The following RPN1 variants were observed in gnomAD, a reference collection of about 807,000 sequenced individuals.
RPN1 encodes dolichyl-diphosphooligosaccharide--protein glycosyltransferase subunit 1.
Under a neutral mutation model 55.5 loss-of-function variants are expected in RPN1, and 12 were observed. The ratio of observed to expected loss-of-function variants is 0.22; its 90% CI spans 0.14 to 0.35. RPN1 has a LOEUF of 0.35. Among genes scored for constraint, RPN1 ranks in the 10% least tolerant of loss-of-function variants. RPN1 has a pLI of 1.00. For missense variants in RPN1, 679 were observed against 761.3 expected, an observed-to-expected ratio of 0.89 and a Z score of 1.27; for synonymous variants, 317 against 305.9, an observed-to-expected ratio of 1.04 and a Z score of -0.38.
chr3:128,627,168 G>T (rs1468927438), intron 5 of RPN1: 2 of 307,342 alleles, frequency 6.5e-6, no homozygotes, highest in East Asian at 7.2e-5. Context: ...AGCACAGCAG[G>T]CCAGTGTGAG....
Position 128,638,042 on chromosome 3 carries a change from A to T in RPN1, c.390T>A (p.Ile130=). Residue 130 remains isoleucine, a synonymous_variant, in exon 3 of 10, where the codon ATT becomes ATA. Coordinates refer to ENST00000296255, the MANE Select transcript of RPN1 (RefSeq NM_002950.4). ...ALDPGAKISV[I]VETVYTHVLH... Reference sequence around the variant, plus strand: ...GCACATGGGTGTAGACTGTTTCCACAATGACTGAAATCTTGGCCCCAGGAT... The same window carrying T: ...GCACATGGGTGTAGACTGTTTCCACTATGACTGAAATCTTGGCCCCAGGAT... 6.2e-7 allele frequency: 1 copy of T among 1,614,084 alleles called. No homozygotes were observed. The highest frequency in any genetic ancestry group is 8.5e-7 in the Non-Finnish European group (1 of 1,179,962).
At position 128,625,658 on chromosome 3, in the gene RPN1, G is replaced by C; in HGVS notation, c.1276-5C>G. The C allele has an allele frequency of 2.5e-6, 4 of 1,613,976 alleles. No homozygotes were observed. The highest frequency in any genetic ancestry group is 1.1e-5 in the South Asian group (1 of 91,068). On this transcript the variant is annotated splice_region_variant and splice_polypyrimidine_tract_variant and intron_variant, in intron 7 of 9. Transcript: ENST00000296255. ...CTTGTTGAACGTGTAGTGGACCTGGGAGAAGCAAGAGGACAGGCTTCATCG... is the reference window on the plus strand; with the variant it reads ...CTTGTTGAACGTGTAGTGGACCTGGCAGAAGCAAGAGGACAGGCTTCATCG...
chr3:128,627,952 G>A (rs1477771535), intron 5 of RPN1, among the ~76,000 whole-genome samples: 1 of 152,268 alleles, frequency 6.6e-6, no homozygotes, highest in East Asian at 1.9e-4. Flanking sequence ...CAAGAACAAT[G>A]TAAACAATAA....
At chr3:128,625,460 G>A in intron 8 of RPN1, 74 bp downstream of exon 8, 1 of 1,609,180 alleles carries the variant, frequency 6.2e-7, no homozygotes, top group Non-Finnish European at 8.5e-7. Context: ...GGCTCACTGT[G>A]AGGATCAGTG....
At chr3:128,621,267 T>C (rs55987729) in intron 9 of RPN1, among the ~76,000 whole-genome samples, 52,587 of 151,980 alleles carry the variant, frequency 0.35, 9,289 homozygotes, top group Middle Eastern at 0.41. Flanking sequence ...ATTCCAGTAC[T>C]TTGGAGGCCA....
At chr3:128,628,434 C>A (rs80150381) in intron 5 of RPN1, among the ~76,000 whole-genome samples, 1 of 19,402 alleles carries the variant, frequency 5.2e-5, no homozygotes, top group East Asian at 1.2e-3. Context: ...AACATAAATG[C>A]AAAGAAAAGC....
intron 9 of RPN1, among the ~76,000 whole-genome samples, chr3:128,620,935 A>G (rs1021444797): frequency 6.6e-6 from 1 of 152,172 alleles, no homozygotes; most frequent in Non-Finnish European, 1.5e-5. Flanking sequence ...CTCTATGAAC[A>G]TCACTTCTCT....
At chr3:128,649,866 C>T (rs1187184327) in intron 1 of RPN1, among the ~76,000 whole-genome samples, 1 of 152,132 alleles carries the variant, frequency 6.6e-6, no homozygotes, top group Non-Finnish European at 1.5e-5. Context: ...TTAAAACTAA[C>T]TTTAAAAAGA....
chr3:128,637,692 C>T, intron 3 of RPN1, 107 bp downstream of exon 3: 1 of 1,140,618 alleles, frequency 8.8e-7, no homozygotes, highest in Non-Finnish European at 1.3e-6. Context: ...TTAGAAATGA[C>T]TGCAGATTTC....
intron 2 of RPN1, among the ~76,000 whole-genome samples, chr3:128,643,795 A>C (rs2069746656): frequency 6.7e-6 from 1 of 148,740 alleles, no homozygotes. Flanking sequence ...AACTCTCTCA[A>C]AAAAAAAAAA....
Position 128,620,539 on chromosome 3 carries a change from C to T in RPN1, c.1696G>A (p.Ala566Thr), listed in dbSNP as rs1437455213. The change falls in exon 10 of 10, where the codon GCG (alanine) becomes ACG (threonine). Residue 566 changes from alanine to threonine, a missense_variant. Ala to Thr is a moderately conservative substitution (Grantham distance 58). Coordinates refer to ENST00000296255, the MANE Select transcript of RPN1 (RefSeq NM_002950.4). ...GCCACCAGGCGCTCAGCCTCCACCG[C>T]CGACTTCAGCACCAGCTCCTTGACC... ...AQVKELVLKS[A>T]VEAERLVAGK... 4 of 1,614,188 alleles carry T rather than the reference C, an allele frequency of 2.5e-6. No individual in the cohort carries two copies. In the East Asian group the frequency reaches 8.9e-5, roughly 36 times the overall value.
At chr3:128,650,353 G>C (rs995104547) in intron 1 of RPN1, among the ~76,000 whole-genome samples, 187 bp downstream of exon 1, 5 of 152,150 alleles carry the variant, frequency 3.3e-5, no homozygotes, top group African/African-American at 1.2e-4. Context: ...CGGAGGCGCC[G>C]GGGCCCCTGG....
chr3:128,647,797 C>A (rs1401605793), intron 1 of RPN1, among the ~76,000 whole-genome samples: 1 of 151,718 alleles, frequency 6.6e-6, no homozygotes, highest in African/African-American at 2.4e-5. Flanking sequence ...AATATTGTTA[C>A]TTAATAAAAT....
At chr3:128,643,201 C>T (rs2069740687) in intron 2 of RPN1, among the ~76,000 whole-genome samples, 1 of 147,764 alleles carries the variant, frequency 6.8e-6, no homozygotes, top group Non-Finnish European at 1.5e-5. Context: ...GTAGCGGACG[C>T]CTATAATCCC....
chr3:128,631,409 C>T (rs4857860), intron 4 of RPN1, among the ~76,000 whole-genome samples: 48,847 of 149,634 alleles, frequency 0.33, 8,305 homozygotes, highest in Middle Eastern at 0.4. Context: ...ACCTGGGAGG[C>T]GGAGGTTGTG....
intron 8 of RPN1, among the ~76,000 whole-genome samples, chr3:128,624,182 T>C (rs952968845): frequency 6.6e-6 from 1 of 152,118 alleles, no homozygotes; most frequent in Non-Finnish European, 1.5e-5. Flanking sequence ...ATTTCCTATC[T>C]GCATTTGATT....
Position 128,622,296 on chromosome 3 carries a change from G to A in RPN1, c.1509C>T (p.Tyr503=). 1 of 1,614,232 alleles carries A rather than the reference G, an allele frequency of 6.2e-7. No homozygotes were observed. Among genetic ancestry groups the A allele is most frequent in the Non-Finnish European group, 8.5e-7 (1 of 1,180,046 alleles). Residue 503 remains tyrosine (Y), a synonymous_variant, in exon 9 of 10, where the codon TAC becomes TAT. Transcript: ENST00000296255. ...GGGTGGAGATGTCCCGGGATTGCTT[G>A]TACCTATTGACGGTCTCGTCAAAGT... The part of the protein sequence containing the change: ...YRHFDETVNR[Y]KQSRDISTLN...
In RPN1 at chr3:128,620,139, T is replaced by C; in HGVS notation, c.*272A>G. On this transcript the variant is annotated 3_prime_UTR_variant, in exon 10 of 10. Coordinates refer to ENST00000296255, the MANE Select transcript of RPN1 (RefSeq NM_002950.4). ...ACTTCAGAACAGAATACCAATCAAA[T>C]ATTGAAAATTCCTTTGTTCAAAACA... is the stretch of plus-strand genomic sequence containing the variant. The C allele has an allele frequency of 3.3e-6, 1 of 299,662 alleles. No homozygotes were observed. Among genetic ancestry groups the C allele is most frequent in the Non-Finnish European group, 6.1e-6 (1 of 163,638 alleles). 18.6% of individuals were successfully genotyped at this position (299,662 alleles called of 1,614,324 possible).
chr3:128,620,563 C>G lies in RPN1; in HGVS notation c.1672G>C (p.Val558Leu), dbSNP rs913169616. 9 of 1,613,758 alleles carry G rather than the reference C, an allele frequency of 5.6e-6. No individual in the cohort carries two copies. The Admixed American group carries it at 6.7e-5, about 12-fold the overall frequency. The change falls in exon 10 of 10, where the codon GTC becomes CTC. Residue 558 changes from valine to leucine, a missense_variant. By Grantham distance (32) the Val-to-Leu change is conservative (BLOSUM62 1). Around this residue, in one of 3 missense-constraint regions of RPN1, gnomAD observed 306 missense variants for 360.0 expected, o/e 0.85. Transcript: ENST00000296255. ...GCCGACTTCAGCACCAGCTCCTTGA[C>G]CTGTGCATCCAGCTTCTGCATTTCG... ...VSEMQKLDAQ[V>L]KELVLKSAVE...
Sources: gnomAD v4.1 joint callset for allele counts (sites outside exome capture counted in the v4.1 genomes callset) on GRCh38, gnomAD v4.1.1 for gene constraint, gnomAD v4.1.1 regional missense constraint, MANE v1.5 for transcripts, NCBI Gene and HGNC (gene_info 2026-07-23, HGNC 2026-07-21) for gene names.